KLF12: variants seen among roughly 807,000 people sequenced by gnomAD.
KLF12 encodes the protein Krueppel-like factor 12.
In KLF12, 9 loss-of-function variants were observed where a neutral mutation model predicts 37.8. That is an observed-to-expected ratio of 0.24 (90% CI 0.14 to 0.42). The LOEUF (loss-of-function observed/expected upper bound fraction) is 0.42, where lower values mean the gene tolerates loss of function less well. Among genes scored for constraint, KLF12 ranks in the 10% least tolerant of loss-of-function variants. The pLI is 1.00. For synonymous variants in KLF12, 208 were observed against 202.1 expected (o/e 1.03, Z -0.25); for missense variants, 411 against 516.0 (o/e 0.80, Z 1.97).
intron 6 of KLF12, among the ~76,000 whole-genome samples, chr13:73,733,523 C>T (rs547377807): frequency 1.1e-4 from 17 of 152,234 alleles, no homozygotes; most frequent in African/African-American, 2.2e-4. Context: ...CACACACGCA[C>T]GATCATATAC....
chr13:73,908,705 C>T (rs1888430856), intron 3 of KLF12, among the ~76,000 whole-genome samples: 1 of 151,984 alleles, frequency 6.6e-6, no homozygotes. Context: ...GTATTGAACT[C>T]CTGACCTCAG....
At position 73,827,404 on chromosome 13, in the gene KLF12, G is replaced by A. The variant is rs181759168; in HGVS notation, c.671-14117C>T. 1.4e-3 allele frequency among the ~76,000 whole-genome samples: 220 copies of A among 152,220 alleles called. 1 individual carries two copies. The highest frequency in any genetic ancestry group is 4.8e-3 in the African/African-American group (200 of 41,532). ...CCCACGTTTCCCCATACTGTTGTAA[G>A]ACTTAATATTTCCAGATATTAAAAT... On this transcript the variant is annotated intron_variant, in intron 4 of 7. Coordinates refer to ENST00000377669, the MANE Select transcript of KLF12 (RefSeq NM_007249.5).
chr13:74,138,177 A>G (rs371640865), upstream of KLF12, among the ~76,000 whole-genome samples: 1 of 152,276 alleles, frequency 6.6e-6, no homozygotes, highest in African/African-American at 2.4e-5. Context: ...TAGTGAAACC[A>G]TAGATGATTT....
intron 6 of KLF12, among the ~76,000 whole-genome samples, chr13:73,740,861 C>T (rs1877922918): frequency 6.6e-6 from 1 of 152,074 alleles, no homozygotes; most frequent in African/African-American, 2.4e-5. Context: ...TGGGAAAGTG[C>T]AGCAAGAACA....
At chr13:74,035,467 T>C (rs893363004) in intron 1 of KLF12, among the ~76,000 whole-genome samples, 2 of 152,190 alleles carry the variant, frequency 1.3e-5, no homozygotes, top group African/African-American at 4.8e-5. Context: ...GGCATCCAAA[T>C]AGGTGCTCGA....
At chr13:73,880,834 G>A (rs1302744470) in intron 3 of KLF12, among the ~76,000 whole-genome samples, 1 of 152,054 alleles carries the variant, frequency 6.6e-6, no homozygotes, top group Non-Finnish European at 1.5e-5. Flanking sequence ...TTATTAAATG[G>A]AAAGTTATAC....
chr13:74,280,818 CTTTTTTCT>C, the KLF12 span, among the ~76,000 whole-genome samples: 4 of 124,004 alleles, frequency 3.2e-5, no homozygotes, highest in African/African-American at 6.4e-5. Context: ...TCTTTTTTTT[CTTTTTTCT>C]TTTTTTTTTT....
At chr13:74,093,153 T>C (rs1162893911) in intron 1 of KLF12, among the ~76,000 whole-genome samples, 1 of 152,238 alleles carries the variant, frequency 6.6e-6, no homozygotes, top group Non-Finnish European at 1.5e-5. Context: ...GTCCCTTTTA[T>C]TACTTAAGCC....
At chr13:74,209,111 T>TAAAG in the KLF12 span, among the ~76,000 whole-genome samples, 1 of 151,964 alleles carries the variant, frequency 6.6e-6, no homozygotes, top group Non-Finnish European at 1.5e-5. Context: ...ACTTACAATC[T>TAAAG]TATCACATAG....
chr13:74,099,880 A>G (rs1253935857), intron 1 of KLF12, among the ~76,000 whole-genome samples: 1 of 152,240 alleles, frequency 6.6e-6, no homozygotes, highest in African/African-American at 2.4e-5. Flanking sequence ...AATACATACT[A>G]AACAGTACTG....
intron 1 of KLF12, among the ~76,000 whole-genome samples, chr13:74,096,410 C>G (rs1461687013): frequency 6.6e-6 from 1 of 152,114 alleles, no homozygotes; most frequent in Non-Finnish European, 1.5e-5. Flanking sequence ...GCACAGAAAA[C>G]AAAGACAGGG....
At chr13:74,023,396 G>A (rs900182475) in intron 1 of KLF12, among the ~76,000 whole-genome samples, 1 of 152,196 alleles carries the variant, frequency 6.6e-6, no homozygotes. Flanking sequence ...CAGTAAGGAA[G>A]TAGCACATGC....
the KLF12 span, among the ~76,000 whole-genome samples, chr13:74,222,460 T>G: frequency 6.6e-6 from 1 of 152,218 alleles, no homozygotes; most frequent in African/African-American, 2.4e-5. Flanking sequence ...ATTGATCTAG[T>G]CATCAGGGCC....
intron 3 of KLF12, among the ~76,000 whole-genome samples, chr13:73,891,825 G>T (rs769596393): frequency 3.3e-5 from 5 of 152,164 alleles, no homozygotes; most frequent in Non-Finnish European, 5.9e-5. Context: ...TTGACAGTTT[G>T]CATCTTTGGA....
At chr13:73,907,776 A>ATC (rs1399474519) in intron 3 of KLF12, among the ~76,000 whole-genome samples, 1 of 152,148 alleles carries the variant, frequency 6.6e-6, no homozygotes, top group East Asian at 1.9e-4. Context: ...TCTGAACATG[A>ATC]TCTCTGCATT....
At chr13:73,982,699 T>C (rs1891717885) in intron 2 of KLF12, among the ~76,000 whole-genome samples, 2 of 152,200 alleles carry the variant, frequency 1.3e-5, no homozygotes, top group Admixed American at 1.3e-4. Flanking sequence ...AAGCAGTACA[T>C]TCAGAGCATT....
At chr13:74,038,931 A>G (rs2138526161) in intron 1 of KLF12, among the ~76,000 whole-genome samples, 1 of 152,184 alleles carries the variant, frequency 6.6e-6, no homozygotes, top group East Asian at 1.9e-4. Context: ...GCTTTATGCT[A>G]TTAGAATTTG....
intron 1 of KLF12, among the ~76,000 whole-genome samples, chr13:74,009,305 G>C (rs1324920): frequency 9.2e-5 from 14 of 152,150 alleles, no homozygotes; most frequent in Non-Finnish European, 1.8e-4. Flanking sequence ...TCATAAATCA[G>C]GTTATGTGTC....
At chr13:74,239,205 A>C in the KLF12 span, among the ~76,000 whole-genome samples, 5 of 151,734 alleles carry the variant, frequency 3.3e-5, no homozygotes, top group Non-Finnish European at 2.9e-5. Context: ...TGTACCCAGT[A>C]GTCATTCAGG....
Sources: allele counts gnomAD v4.1 joint callset (sites outside exome capture counted in the v4.1 genomes callset), GRCh38; gene constraint gnomAD v4.1.1; transcripts MANE v1.5; gene names NCBI Gene and HGNC (gene_info 2026-07-23, HGNC 2026-07-21).